Variants in HEBP1 observed in about 807,000 individuals in gnomAD.
HEBP1 encodes heme binding protein 1, also known as heme-binding protein 1.
In HEBP1, 13 loss-of-function variants were observed where a neutral mutation model predicts 20.4. The ratio of observed to expected loss-of-function variants is 0.64; its 90% CI spans 0.42 to 1.01. The LOEUF is 1.01. HEBP1 is among the 50% of genes least tolerant of loss of function. The pLI, the probability that HEBP1 is intolerant of heterozygous loss-of-function variation, is 0.00. For missense variants in HEBP1, 241 were observed against 247.3 expected, an observed-to-expected ratio of 0.97 and a Z score of 0.17; for synonymous variants, 92 against 90.7, an observed-to-expected ratio of 1.01 and a Z score of -0.08.
At chr12:12,993,625 A>C (rs1864255935) in intron 1 of HEBP1, among the ~76,000 whole-genome samples, 1 of 152,138 alleles carries the variant, frequency 6.6e-6, no homozygotes, top group African/African-American at 2.4e-5. Flanking sequence ...TTCAGAATAG[A>C]GGTATCAGAA....
intron 3 of HEBP1, among the ~76,000 whole-genome samples, chr12:12,978,335 C>A (rs530809011): frequency 2.0e-5 from 3 of 150,324 alleles, no homozygotes; most frequent in South Asian, 2.1e-4. Flanking sequence ...CTTAGCTTCC[C>A]GAGTAGCTGG....
chr12:12,975,199 G>T lies in HEBP1; in HGVS notation c.*109C>A. On this transcript the variant is annotated 3_prime_UTR_variant, in exon 4 of 4. Coordinates refer to ENST00000014930, the MANE Select transcript of HEBP1 (RefSeq NM_015987.5). ...CAGTAACTGACTTTGAAGGAAAGTT[G>T]GTTAAGTTGGACTTGCAGCTGGAAC... The T allele has an allele frequency of 2.0e-6, 2 of 1,009,852 alleles. No individual in the cohort carries two copies. Among genetic ancestry groups the T allele is most frequent in the Non-Finnish European group, 1.5e-6 (1 of 674,032 alleles). 62.6% of individuals were successfully genotyped at this position (1,009,852 alleles called of 1,614,324 possible). A position where few individuals can be genotyped will look rare whatever the true frequency, so the allele number is the denominator to read the frequency against.
chr12:12,995,165 T>G (rs934952113), intron 1 of HEBP1, among the ~76,000 whole-genome samples: 2 of 152,192 alleles, frequency 1.3e-5, no homozygotes, highest in Non-Finnish European at 2.9e-5. Flanking sequence ...TCTAACAGGC[T>G]CCAACCTAAA....
intron 3 of HEBP1, among the ~76,000 whole-genome samples, chr12:12,975,722 G>A (rs1416049959): frequency 6.7e-6 from 1 of 148,806 alleles, no homozygotes; most frequent in Non-Finnish European, 1.5e-5. Flanking sequence ...AGCAGTAATG[G>A]ACGTGAAAAA....
rs1434668672 is a variant in HEBP1 at position 12,976,516 on chromosome 12, A to C, written c.399-1037T>G. On this transcript the variant is annotated intron_variant, in intron 3 of 3. Transcript: ENST00000014930. Reference sequence around the variant, plus strand: ...GTATGACTCAAAAGTCTGAATTTGCACCAGGCCAAGATTAGGCCAAATAAT... The same window carrying C: ...GTATGACTCAAAAGTCTGAATTTGCCCCAGGCCAAGATTAGGCCAAATAAT... 3.9e-5 allele frequency among the ~76,000 whole-genome samples: 6 copies of C among 152,216 alleles called. No individual in the cohort carries two copies. In the South Asian group the frequency reaches 6.2e-4, roughly 16 times the overall value.
intron 3 of HEBP1, among the ~76,000 whole-genome samples, chr12:12,982,803 A>G (rs1422799802): frequency 6.6e-6 from 1 of 152,210 alleles, no homozygotes; most frequent in African/African-American, 2.4e-5. Flanking sequence ...TGACTTTTTT[A>G]TTGTTAATTC....
chr12:12,987,069 C>G, intron 3 of HEBP1, 83 bp downstream of exon 3: 1 of 1,089,786 alleles, frequency 9.2e-7, no homozygotes, highest in Non-Finnish European at 1.3e-6. Context: ...AAAAATTTGA[C>G]GCGAATGCTT....
intron 3 of HEBP1, chr12:12,983,583 A>T: frequency 2.4e-6 from 1 of 416,600 alleles, no homozygotes; most frequent in South Asian, 1.7e-5. Context: ...ACAGAATCAG[A>T]AATAACACAA....
At chr12:12,987,454 A>G (rs1335863308) in intron 2 of HEBP1, 122 bp from the exon 3 acceptor site, 4 of 717,660 alleles carry the variant, frequency 5.6e-6, no homozygotes, top group South Asian at 2.1e-5. Flanking sequence ...GAAATTAACA[A>G]TGAACATTTC....
intron 1 of HEBP1, 63 bp downstream of exon 1, chr12:12,999,974 C>T: frequency 8.4e-7 from 1 of 1,185,592 alleles, no homozygotes; most frequent in South Asian, 1.3e-5. Context: ...CCGCTGCAGC[C>T]CCGACGAGGG....
rs1170510282 is a variant in HEBP1, at chr12:12,986,472, C to T, written c.398+680G>A. On this transcript the variant is annotated intron_variant, in intron 3 of 3. Transcript: ENST00000014930. The surrounding 1 kb of genome is among the most constrained non-coding windows in gnomAD (Gnocchi z 4.3). ...TGAAGATCCTGGTCTTTCCCTGAGC[C>T]TGGTTTGGTGCCTGTCACATGGGAG... 6.6e-6 allele frequency: 1 copy of T among 152,216 alleles called. No individual in the cohort carries two copies. Among genetic ancestry groups the T allele is most frequent in the African/African-American group, 2.4e-5 (1 of 41,438 alleles). 9.4% of individuals were successfully genotyped at this position (152,216 alleles called of 1,614,324 possible). A position where few individuals can be genotyped will look rare whatever the true frequency, so the allele number is the denominator to read the frequency against.
intron 3 of HEBP1, chr12:12,980,413 G>A (rs1864063880): frequency 1.3e-5 from 2 of 152,238 alleles, no homozygotes; most frequent in Non-Finnish European, 2.9e-5. Flanking sequence ...ATGTTCTGGG[G>A]GTGAGGAATA....
rs747864432 is a variant in HEBP1 at position 12,975,383 on chromosome 12, G to C, written c.495C>G (p.Ile165Met). ...GAGGGTCATAACCCGTGCAGAAGTA[G>C]ATGTCCCCCCGGTAGGTGGCTGTGC... Reference protein sequence around the residue: ...LEGTATYRGDIYFCTGYDPPM... With the variant: ...LEGTATYRGDMYFCTGYDPPM... The change falls in exon 4 of 4, where the codon ATC becomes ATG. Residue 165 changes from isoleucine (I) to methionine (M), a missense_variant. By Grantham distance (10) the Ile-to-Met change is conservative. Coordinates refer to ENST00000014930, the MANE Select transcript of HEBP1 (RefSeq NM_015987.5). 1.2e-6 allele frequency: 2 copies of C among 1,614,020 alleles called. No homozygotes were observed. Among genetic ancestry groups the C allele is most frequent in the Non-Finnish European group, 1.7e-6 (2 of 1,179,936 alleles).
intron 3 of HEBP1, chr12:12,979,921 CA>C (rs1279243986): frequency 6.6e-6 from 1 of 152,174 alleles, no homozygotes; most frequent in African/African-American, 2.4e-5. Flanking sequence ...AAAGATGACA[CA>C]AGCAATAGTG....
intron 3 of HEBP1, among the ~76,000 whole-genome samples, chr12:12,975,966 C>T (rs1251588858): frequency 1.3e-5 from 2 of 151,714 alleles, no homozygotes; most frequent in Non-Finnish European, 2.9e-5. Flanking sequence ...GTGGCTAATG[C>T]CCCTTCCACA....
At chr12:12,981,670 T>C (rs1054142437) in intron 3 of HEBP1, among the ~76,000 whole-genome samples, 3 of 152,218 alleles carry the variant, frequency 2.0e-5, no homozygotes, top group Non-Finnish European at 4.4e-5. Flanking sequence ...GCAAGGACAT[T>C]ACCTCATGAC....
chr12:12,994,183 G>A (rs532555165), intron 1 of HEBP1, among the ~76,000 whole-genome samples: 1 of 152,300 alleles, frequency 6.6e-6, no homozygotes, highest in South Asian at 2.1e-4. Context: ...AAGAGTAAAC[G>A]AGGAGGGGTC....
intron 3 of HEBP1, among the ~76,000 whole-genome samples, chr12:12,977,762 T>A: frequency 6.6e-6 from 1 of 152,260 alleles, no homozygotes; most frequent in East Asian, 1.9e-4. Flanking sequence ...CTTTCTTTCT[T>A]TTTTAACAGC....
chr12:12,975,299 GT>G lies in HEBP1; in HGVS notation c.*8del. 6.2e-7 allele frequency: 1 copy of G among 1,612,832 alleles called. No homozygotes were observed. Among genetic ancestry groups the G allele is most frequent in the South Asian group, 1.1e-5 (1 of 91,034 alleles). On this transcript the variant is annotated 3_prime_UTR_variant, in exon 4 of 4. Coordinates refer to ENST00000014930, the MANE Select transcript of HEBP1 (RefSeq NM_015987.5). ...ACACTTCCAGTAAGTTCTTGGTTCAGTGGGTCACTCATGTCTTCAACAGCCA... is the reference window on the plus strand; with the variant it reads ...ACACTTCCAGTAAGTTCTTGGTTCAGGGGTCACTCATGTCTTCAACAGCCA...
Sources: allele counts gnomAD v4.1 joint callset (sites outside exome capture counted in the v4.1 genomes callset), GRCh38; gene constraint gnomAD v4.1.1; non-coding constraint Gnocchi (gnomAD v3.1); transcripts MANE v1.5; gene names NCBI Gene and HGNC (gene_info 2026-07-23, HGNC 2026-07-21).